Variants in RELN observed in about 807,000 individuals in gnomAD.
RELN encodes the protein reelin.
RELN carries 108 observed loss-of-function variants against 427.6 expected under a neutral mutation model. The ratio of observed to expected loss-of-function variants is 0.25; its 90% CI spans 0.22 to 0.30. The LOEUF (loss-of-function observed/expected upper bound fraction) is 0.30. RELN is among the 10% of genes least tolerant of loss of function. The pLI, the probability that RELN is intolerant of heterozygous loss-of-function variation, is 1.00. For synonymous variants in RELN, 1,524 were observed against 1,513.4 expected, an observed-to-expected ratio of 1.01 and a Z score of -0.16; for missense variants, 3,715 against 4,302.8, an observed-to-expected ratio of 0.86 and a Z score of 3.82.
chr7:103,901,245 C>CA (rs1273763980), intron 2 of RELN, among the ~76,000 whole-genome samples: 8 of 151,642 alleles, frequency 5.3e-5, no homozygotes, highest in African/African-American at 1.2e-4. Context: ...ATAAGTAAAA[C>CA]ACAAAAAAGC....
intron 6 of RELN, among the ~76,000 whole-genome samples, chr7:103,746,910 C>T (rs1419118120): frequency 6.6e-6 from 1 of 152,134 alleles, no homozygotes; most frequent in Non-Finnish European, 1.5e-5. Flanking sequence ...CATCCCATTA[C>T]TGGGTATATA....
At chr7:103,919,920 T>C (rs1795575421) in intron 1 of RELN, among the ~76,000 whole-genome samples, 2 of 152,216 alleles carry the variant, frequency 1.3e-5, no homozygotes, top group African/African-American at 2.4e-5. Flanking sequence ...TAAATATGTA[T>C]ATGAACTAGA....
chr7:103,765,308 A>T (rs1284970453), intron 4 of RELN, among the ~76,000 whole-genome samples: 1 of 152,138 alleles, frequency 6.6e-6, no homozygotes, highest in Non-Finnish European at 1.5e-5. Flanking sequence ...TTTTCTGCAA[A>T]TGTGTCTTGG....
intron 6 of RELN, among the ~76,000 whole-genome samples, chr7:103,728,648 A>G (rs1032241884): frequency 5.9e-5 from 9 of 152,192 alleles, no homozygotes; most frequent in Admixed American, 2.6e-4. Flanking sequence ...CAAGTATTAA[A>G]AATAAGCAGA....
chr7:103,748,361 G>T (rs1029829645), intron 6 of RELN, among the ~76,000 whole-genome samples: 9 of 151,946 alleles, frequency 5.9e-5, no homozygotes, highest in Non-Finnish European at 1.3e-4. Flanking sequence ...AAAGTTTCTT[G>T]TGTAATATTG....
intron 2 of RELN, among the ~76,000 whole-genome samples, chr7:103,888,964 G>A (rs1306452258): frequency 1.3e-5 from 2 of 152,096 alleles, no homozygotes; most frequent in South Asian, 2.1e-4. Flanking sequence ...ATTCTCACTT[G>A]GCCTGCTAAT....
chr7:103,792,572 G>C (rs1275667450), intron 3 of RELN, among the ~76,000 whole-genome samples: 15 of 147,624 alleles, frequency 1.0e-4, no homozygotes, highest in Admixed American at 2.1e-4. Context: ...ATGGGGGGAT[G>C]GGGGGATGGG....
At chr7:103,806,938 G>T (rs917533172) in intron 3 of RELN, among the ~76,000 whole-genome samples, 6 of 152,092 alleles carry the variant, frequency 3.9e-5, no homozygotes, top group Admixed American at 6.6e-5. Flanking sequence ...ACTGGAACTA[G>T]GAAGAGGAAT....
chr7:103,875,698 AT>A (rs1292769473), intron 2 of RELN, among the ~76,000 whole-genome samples: 2 of 152,092 alleles, frequency 1.3e-5, no homozygotes, highest in African/African-American at 4.8e-5. Context: ...AGACTTAGGG[AT>A]TTTTTTCAGG....
intron 11 of RELN, among the ~76,000 whole-genome samples, chr7:103,670,778 T>C (rs891994294): frequency 3.3e-5 from 5 of 152,030 alleles, no homozygotes; most frequent in African/African-American, 4.8e-5. Flanking sequence ...AATATGAACA[T>C]AGGAATTAGA....
chr7:103,872,278 T>C (rs1421946271), intron 2 of RELN, among the ~76,000 whole-genome samples: 1 of 129,624 alleles, frequency 7.7e-6, no homozygotes, highest in East Asian at 2.6e-4. Flanking sequence ...GTGATCTCAT[T>C]GTTCAATTCC....
chr7:103,697,910 A>C lies in RELN; in HGVS notation c.1086T>G (p.Asp362Glu). The change falls in exon 10 of 65, where the codon GAT (aspartate) becomes GAG (glutamate). Residue 362 changes from aspartate to glutamate, a missense_variant. Asp to Glu is a conservative substitution (Grantham distance 45, BLOSUM62 2). Transcript: ENST00000428762. Reference sequence around the variant, plus strand: ...TGCCTGTGTCCACTGGGTCGAGACTATCTTCTAAAACGACTTGTCTGTGAG... The same window carrying C: ...TGCCTGTGTCCACTGGGTCGAGACTCTCTTCTAAAACGACTTGTCTGTGAG... ...NSAHRQVVLE[D>E]SLDPVDTGNW... 3 of 1,613,784 alleles carry C rather than the reference A, an allele frequency of 1.9e-6. No homozygotes were observed. Among genetic ancestry groups the C allele is most frequent in the Non-Finnish European group, 2.5e-6 (3 of 1,179,824 alleles).
rs1445501247 is a variant in RELN at position 103,503,223 on chromosome 7, A to C, written c.8282T>G (p.Val2761Gly). ...AATTTTTTCAGACACCTTACATCCA[A>C]CTGAGATCTAATAAACAGAAAAACA... The part of the protein sequence containing the change: ...EGWIMQFKIS[V>G]GCKVSEKIAQ... Residue 2761 changes from valine to glycine, a missense_variant, in exon 52 of 65, where the codon GTT becomes GGT. Physicochemically the swap from Val to Gly is moderately radical, Grantham distance 109 (BLOSUM62 -3). Around this residue, in one of 4 missense-constraint regions of RELN, gnomAD observed 1,310 missense variants for 1,643.0 expected, o/e 0.80. Transcript: ENST00000428762. 2 of 1,613,552 alleles carry C rather than the reference A, an allele frequency of 1.2e-6. No homozygotes were observed. Among genetic ancestry groups the C allele is most frequent in the Non-Finnish European group, 1.7e-6 (2 of 1,179,586 alleles).
rs1827872872 is a variant in RELN, at chr7:103,471,899, A to G, written c.*913T>C. On this transcript the variant is annotated 3_prime_UTR_variant, in exon 65 of 65. Coordinates refer to ENST00000428762, the MANE Select transcript of RELN (RefSeq NM_005045.4). The stretch of plus-strand genomic sequence containing the variant: ...CATTCAGAGCTACAGGGCCATTATA[A>G]TGTTGCTGGTGTTGTACAACTTCAT... The G allele has an allele frequency of 6.6e-6, 1 of 152,610 alleles. No homozygotes were observed. Among genetic ancestry groups the G allele is most frequent in the African/African-American group, 2.4e-5 (1 of 41,444 alleles). The allele number at this position is 152,610 out of a possible 1,614,324, so 9.5% of individuals were successfully genotyped here.
chr7:103,475,549 A>C (rs1828006290), intron 64 of RELN, among the ~76,000 whole-genome samples: 1 of 152,262 alleles, frequency 6.6e-6, no homozygotes, highest in Admixed American at 6.5e-5. Context: ...AATTTAAAAT[A>C]GTTAAAATAT....
chr7:103,589,677 C>G lies in RELN; in HGVS notation c.4064G>C (p.Ser1355Thr). Residue 1355 changes from serine to threonine, a missense_variant, in exon 28 of 65, where the codon AGT becomes ACT. Around this residue, in one of 4 missense-constraint regions of RELN, gnomAD observed 2,208 missense variants for 2,361.7 expected, o/e 0.93. Transcript: ENST00000428762. ...CCCTGTGTGATACATGGTGGGCTCACTTAGTTCTCTGGAGTTTCCTTCGCA... is the reference window on the plus strand; with the variant it reads ...CCCTGTGTGATACATGGTGGGCTCAGTTAGTTCTCTGGAGTTTCCTTCGCA... ...KGCEGNSREL[S>T]EPTMYHTGDF... 6.2e-7 allele frequency: 1 copy of G among 1,614,116 alleles called. No homozygotes were observed. The highest frequency in any genetic ancestry group is 8.5e-7 in the Non-Finnish European group (1 of 1,179,980).
At chr7:103,609,583 A>T (rs1353358170) in intron 22 of RELN, among the ~76,000 whole-genome samples, 1 of 152,236 alleles carries the variant, frequency 6.6e-6, no homozygotes, top group Non-Finnish European at 1.5e-5. Context: ...ATCTGTGGAA[A>T]TCAAATTTCA....
At chr7:103,986,931 T>TGTGA (rs1491351722) in intron 1 of RELN, among the ~76,000 whole-genome samples, 1 of 1,970 alleles carries the variant, frequency 5.1e-4, no homozygotes, top group Non-Finnish European at 8.6e-4. Context: ...TAACAGAAGC[T>TGTGA]GTGTGTGTGT....
At chr7:103,633,577 T>C (rs1167318122) in intron 19 of RELN, among the ~76,000 whole-genome samples, 1 of 152,122 alleles carries the variant, frequency 6.6e-6, no homozygotes. Context: ...GCCATGCACA[T>C]ATCTAATACT....
Sources: gnomAD v4.1 joint callset for allele counts (sites outside exome capture counted in the v4.1 genomes callset) on GRCh38, gnomAD v4.1.1 for gene constraint, gnomAD v4.1.1 regional missense constraint, MANE v1.5 for transcripts, NCBI Gene and HGNC (gene_info 2026-07-23, HGNC 2026-07-21) for gene names.